Variants in VPS13B observed in about 807,000 individuals in gnomAD.
VPS13B encodes the protein vacuolar protein sorting 13 homolog B.
A neutral mutation model predicts 426.4 loss-of-function variants in VPS13B; 285 were observed. The observed-to-expected ratio is 0.67, with a 90% confidence interval of 0.61 to 0.74. The LOEUF (loss-of-function observed/expected upper bound fraction) is 0.74, where lower values mean the gene tolerates loss of function less well. VPS13B is among the 30% of genes least tolerant of loss of function. The pLI, the probability that VPS13B is intolerant of heterozygous loss-of-function variation, is 0.00. For missense variants in VPS13B, 4,537 were observed against 4,782.6 expected, an observed-to-expected ratio of 0.95 and a Z score of 1.51; for synonymous variants, 1,676 against 1,676.4, an observed-to-expected ratio of 1.00 and a Z score of 0.01.
rs556886786 is a variant in VPS13B, at chr8:99,100,905, G to A, written c.413-2048G>A. 3.9e-4 allele frequency among the ~76,000 whole-genome samples: 59 copies of A among 151,930 alleles called. No homozygotes were observed. The South Asian group carries it at 5.2e-3, about 13-fold the overall frequency. On this transcript the variant is annotated intron_variant, in intron 4 of 61. Transcript: ENST00000357162. ...AAAAAAATACAAAAATTAGCCTGACGTGGTGGCACGTGCCTGTAATCCTAG... is the reference window on the plus strand; with the variant it reads ...AAAAAAATACAAAAATTAGCCTGACATGGTGGCACGTGCCTGTAATCCTAG...
At chr8:99,739,650 C>A (rs1809583221) in intron 39 of VPS13B, among the ~76,000 whole-genome samples, 1 of 152,348 alleles carries the variant, frequency 6.6e-6, no homozygotes, top group South Asian at 2.1e-4. Context: ...CACGCAGCAA[C>A]ATTTGCTGTT....
intron 5 of VPS13B, among the ~76,000 whole-genome samples, chr8:99,106,780 G>A (rs552175511): frequency 2.6e-5 from 4 of 152,282 alleles, no homozygotes; most frequent in Admixed American, 6.5e-5. Context: ...TCAGTTCTGC[G>A]TGTATATATC....
chr8:99,244,375 C>T lies in VPS13B; in HGVS notation c.2516-29823C>T, dbSNP rs533930711. On this transcript the variant is annotated intron_variant, in intron 17 of 61. Coordinates refer to ENST00000357162, the MANE Select transcript of VPS13B (RefSeq NM_152564.5). ...CCCTGAACAGTCCAGTTTTTATAAG[C>T]AGGTTTTAGAGTTAATTGTTAATTT... Among the ~76,000 whole-genome samples, 4 of 152,228 alleles carry T rather than the reference C, an allele frequency of 2.6e-5. No individual in the cohort carries two copies. In the East Asian group the frequency reaches 7.7e-4, roughly 29 times the overall value.
At chr8:99,621,496 T>G (rs570856476) in intron 33 of VPS13B, among the ~76,000 whole-genome samples, 2 of 152,200 alleles carry the variant, frequency 1.3e-5, no homozygotes, top group African/African-American at 4.8e-5. Context: ...ATCAGCCCAG[T>G]TGACTTTTTT....
chr8:99,647,056 A>G (rs1829606545), intron 34 of VPS13B, among the ~76,000 whole-genome samples: 1 of 152,168 alleles, frequency 6.6e-6, no homozygotes, highest in African/African-American at 2.4e-5. Flanking sequence ...TCACATTTCA[A>G]AAATACCTGT....
At chr8:99,487,255 C>T (rs1820361599) in intron 25 of VPS13B, among the ~76,000 whole-genome samples, 1 of 152,076 alleles carries the variant, frequency 6.6e-6, no homozygotes. Flanking sequence ...ATTAAATTCA[C>T]CTGGCATTTT....
intron 2 of VPS13B, among the ~76,000 whole-genome samples, chr8:99,026,534 AGTGGGGT>A (rs1322222190): frequency 2.0e-5 from 3 of 152,188 alleles, no homozygotes; most frequent in African/African-American, 7.2e-5. Context: ...CAATGCTATG[AGTGGGGT>A]GTTCAAGTCC....
chr8:99,712,147 C>G (rs959727284), intron 36 of VPS13B, among the ~76,000 whole-genome samples: 3 of 152,160 alleles, frequency 2.0e-5, no homozygotes, highest in African/African-American at 7.2e-5. Context: ...ACAGAAAATC[C>G]AACCTAAACT....
At chr8:99,594,940 A>G (rs1406906192) in intron 33 of VPS13B, among the ~76,000 whole-genome samples, 1 of 151,968 alleles carries the variant, frequency 6.6e-6, no homozygotes, top group Non-Finnish European at 1.5e-5. Flanking sequence ...ACTGTTATTA[A>G]TGGGTCACTG....
Position 99,875,567 on chromosome 8 carries a change from T to TA in VPS13B, c.11899dup (p.Thr3967AsnfsTer7), listed in dbSNP as rs1554590501. ...CTGCAGAACCTCCCCCCTCCACTGT[T>TA]AAAACATACCATTACCTGGTTGATC... On this transcript the variant is annotated frameshift_variant, in exon 62 of 62. Transcript: ENST00000357162. LOFTEE classifies it high-confidence loss of function. The TA allele has an allele frequency of 6.2e-7, 1 of 1,614,192 alleles. No individual in the cohort carries two copies. The highest frequency in any genetic ancestry group is 8.5e-7 in the Non-Finnish European group (1 of 1,180,036).
At chr8:99,689,801 A>C (rs1831573164) in intron 35 of VPS13B, among the ~76,000 whole-genome samples, 2 of 152,354 alleles carry the variant, frequency 1.3e-5, no homozygotes, top group Admixed American at 1.3e-4. Flanking sequence ...GCCAGTCTGC[A>C]GTCAGGGAAA....
At chr8:99,538,184 A>C (rs2133714563) in intron 30 of VPS13B, among the ~76,000 whole-genome samples, 1 of 152,324 alleles carries the variant, frequency 6.6e-6, no homozygotes, top group East Asian at 1.9e-4. Context: ...TGAGTCTTAG[A>C]GGCAATAAGA....
At chr8:99,462,322 T>C (rs756959068) in intron 23 of VPS13B, among the ~76,000 whole-genome samples, 1 of 152,182 alleles carries the variant, frequency 6.6e-6, no homozygotes, top group Non-Finnish European at 1.5e-5. Flanking sequence ...TAACAAACTT[T>C]TTGGTTGTCA....
intron 19 of VPS13B, among the ~76,000 whole-genome samples, chr8:99,357,004 A>G (rs1366013788): frequency 1.3e-5 from 2 of 152,198 alleles, no homozygotes; most frequent in Non-Finnish European, 2.9e-5. Flanking sequence ...AAACATAGAT[A>G]TATTTATTCA....
intron 35 of VPS13B, among the ~76,000 whole-genome samples, chr8:99,663,322 T>C (rs1461507027): frequency 2.6e-5 from 4 of 152,184 alleles, no homozygotes; most frequent in African/African-American, 9.7e-5. Flanking sequence ...AGTGCTGGGA[T>C]TGTAAAGGTG....
chr8:99,720,572 G>C lies in VPS13B; in HGVS notation c.6865+20G>C, dbSNP rs1563881417. The C allele has an allele frequency of 6.2e-7, 1 of 1,604,616 alleles. No individual in the cohort carries two copies. The highest frequency in any genetic ancestry group is 8.5e-7 in the Non-Finnish European group (1 of 1,171,520). On this transcript the variant is annotated intron_variant, in intron 38 of 61. Coordinates refer to ENST00000357162, the MANE Select transcript of VPS13B (RefSeq NM_152564.5). ...ATGCTGGTAAGTAGCAACAGACTCAGTATGAGAGTGTCTCTGTGCATGTGG... is the reference window on the plus strand; with the variant it reads ...ATGCTGGTAAGTAGCAACAGACTCACTATGAGAGTGTCTCTGTGCATGTGG...
chr8:99,093,743 T>C (rs1030250622), intron 3 of VPS13B, among the ~76,000 whole-genome samples: 2 of 152,082 alleles, frequency 1.3e-5, no homozygotes, highest in African/African-American at 2.4e-5. Context: ...TATTCCATGG[T>C]GTATATGTGC....
intron 14 of VPS13B, among the ~76,000 whole-genome samples, chr8:99,150,657 C>G (rs1339862735): frequency 6.6e-6 from 1 of 152,138 alleles, no homozygotes; most frequent in Non-Finnish European, 1.5e-5. Flanking sequence ...TTCACATTGG[C>G]TTCTTTTACT....
At chr8:99,163,458 C>T (rs966847962) in intron 15 of VPS13B, among the ~76,000 whole-genome samples, 5 of 152,144 alleles carry the variant, frequency 3.3e-5, no homozygotes, top group East Asian at 1.9e-4. Flanking sequence ...GGGTGGTGCT[C>T]GTTGGGGAGG....
Sources: gnomAD v4.1 joint callset for allele counts (sites outside exome capture counted in the v4.1 genomes callset) on GRCh38, gnomAD v4.1.1 for gene constraint, MANE v1.5 for transcripts, NCBI Gene and HGNC (gene_info 2026-07-23, HGNC 2026-07-21) for gene names.